Variants in APC observed in about 807,000 individuals in gnomAD.
The protein encoded by APC is APC regulator of Wnt signaling pathway, also known as adenomatous polyposis coli protein.
A neutral mutation model predicts 247.0 loss-of-function variants in APC; 72 were observed. That is an observed-to-expected ratio of 0.29 (90% CI 0.24 to 0.35). APC has a LOEUF of 0.35. Among genes scored for constraint, APC ranks in the 10% least tolerant of loss-of-function variants. APC has a pLI of 1.00. For missense variants in APC, 3,400 were observed against 3,360.7 expected (o/e 1.01, Z -0.29); for synonymous variants, 1,254 against 1,162.5 (o/e 1.08, Z -1.60).
chr5:112,717,230 C>T (rs748915677), intron 1 of APC, among the ~76,000 whole-genome samples: 36 of 152,178 alleles, frequency 2.4e-4, no homozygotes, highest in Admixed American at 7.9e-4. Flanking sequence ...CTAGGCTGGT[C>T]TTGAAGTCCC....
At chr5:112,788,612 A>G (rs892870146) in intron 6 of APC, among the ~76,000 whole-genome samples, 12 of 152,168 alleles carry the variant, frequency 7.9e-5, no homozygotes, top group Non-Finnish European at 1.3e-4. Context: ...TACTAATTTT[A>G]TATCTCTCTA....
intron 9 of APC, among the ~76,000 whole-genome samples, chr5:112,816,596 C>A (rs898917738): frequency 1.3e-4 from 19 of 151,950 alleles, no homozygotes; most frequent in Non-Finnish European, 2.9e-5. Flanking sequence ...GAGTTCGAAA[C>A]CAGCCTGACC....
At chr5:112,792,005 T>C (rs1032886877) in intron 6 of APC, among the ~76,000 whole-genome samples, 2 of 152,186 alleles carry the variant, frequency 1.3e-5, no homozygotes, top group East Asian at 3.9e-4. Context: ...CACAGCACTT[T>C]GGGAAGCCGA....
At chr5:112,794,718 C>T (rs1760016248) in intron 7 of APC, among the ~76,000 whole-genome samples, 1 of 152,218 alleles carries the variant, frequency 6.6e-6, no homozygotes, top group Admixed American at 6.5e-5. Flanking sequence ...ACTGCTCCCA[C>T]CTCAGATGCC....
chr5:112,827,347 T>C (rs2149811368), intron 12 of APC, 100 bp downstream of exon 12: 1 of 1,303,434 alleles, frequency 7.7e-7, no homozygotes, highest in Non-Finnish European at 1.1e-6. Flanking sequence ...TTCACTCTCC[T>C]CATTAAACAA....
chr5:112,744,056 G>C (rs1163727034), intron 1 of APC, among the ~76,000 whole-genome samples: 9 of 151,760 alleles, frequency 5.9e-5, no homozygotes, highest in Non-Finnish European at 1.2e-4. Flanking sequence ...TGCACAGGCT[G>C]GTCTCGAACT....
rs1217842024 is a variant in APC, at chr5:112,840,109, C to T, written c.4515C>T (p.Ser1505=). Reference sequence around the variant, plus strand: ...CAGATGGATTTTCTTGTTCATCCAGCCTGAGTGCTCTGAGCCTCGATGAGC... The same window carrying T: ...CAGATGGATTTTCTTGTTCATCCAGTCTGAGTGCTCTGAGCCTCGATGAGC... ...STPDGFSCSS[S]LSALSLDEPF... is the part of the protein sequence containing the mutation. Residue 1505 remains serine (S), a synonymous_variant, in exon 16 of 16, where the codon AGC becomes AGT. Transcript: ENST00000257430. This position sits in a 1 kb window ranked among gnomAD's most constrained non-coding sequence, Gnocchi z 4.1. 2 of 1,614,094 alleles carry T rather than the reference C, an allele frequency of 1.2e-6. No individual in the cohort carries two copies. The highest frequency in any genetic ancestry group is 3.3e-5 in the Admixed American group (2 of 60,004).
At chr5:112,768,955 T>A (rs1170433060) in intron 4 of APC, among the ~76,000 whole-genome samples, 6 of 151,926 alleles carry the variant, frequency 3.9e-5, no homozygotes, top group Non-Finnish European at 7.4e-5. Context: ...CTTTAACAAA[T>A]CTCTCTTTAT....
intron 6 of APC, among the ~76,000 whole-genome samples, chr5:112,785,997 G>C (rs2149662549): frequency 6.6e-6 from 1 of 152,230 alleles, no homozygotes; most frequent in South Asian, 2.1e-4. Flanking sequence ...AGATAAATTA[G>C]AAAAATACTT....
At position 112,839,520 on chromosome 5, in the gene APC, A is replaced by C. The variant is rs775060363; in HGVS notation, c.3926A>C (p.Glu1309Ala). 7.4e-6 allele frequency: 12 copies of C among 1,614,086 alleles called. No homozygotes were observed. The South Asian group carries it at 1.3e-4, about 18-fold the overall frequency. The change falls in exon 16 of 16, where the codon GAA becomes GCA. Residue 1309 changes from glutamate to alanine, a missense_variant. Transcript: ENST00000257430. The surrounding 1 kb of genome is among the most constrained non-coding windows in gnomAD (Gnocchi z 5.0). Reference sequence around the variant, plus strand: ...ACCCTGCAAATAGCAGAAATAAAAGAAAAGATTGGAACTAGGTCAGCTGAA... The same window carrying C: ...ACCCTGCAAATAGCAGAAATAAAAGCAAAGATTGGAACTAGGTCAGCTGAA... ...ANTLQIAEIK[E>A]KIGTRSAEDP...
At chr5:112,803,897 C>T (rs1400897730) in intron 8 of APC, among the ~76,000 whole-genome samples, 1 of 152,104 alleles carries the variant, frequency 6.6e-6, no homozygotes, top group Non-Finnish European at 1.5e-5. Flanking sequence ...CTGATTATAT[C>T]ACTTATTTGT....
intron 1 of APC, among the ~76,000 whole-genome samples, chr5:112,738,991 C>T (rs1323207630): frequency 2.6e-5 from 4 of 152,150 alleles, no homozygotes; most frequent in African/African-American, 9.7e-5. Context: ...AACCACTTTA[C>T]AACGTAAATT....
intron 1 of APC, among the ~76,000 whole-genome samples, chr5:112,722,628 C>A (rs564227140): frequency 3.2e-4 from 48 of 152,156 alleles, no homozygotes; most frequent in African/African-American, 9.2e-4. Flanking sequence ...TTCCCACTAC[C>A]CCCTCTTTGG....
intron 11 of APC, 113 bp from the exon 12 acceptor site, chr5:112,826,995 C>A: frequency 2.0e-6 from 2 of 1,006,438 alleles, no homozygotes; most frequent in Non-Finnish European, 3.0e-6. Flanking sequence ...CAAATTTAAA[C>A]CATATATTCT....
intron 7 of APC, among the ~76,000 whole-genome samples, chr5:112,795,902 C>T (rs774397916): frequency 1.3e-5 from 2 of 152,092 alleles, no homozygotes; most frequent in Non-Finnish European, 2.9e-5. Flanking sequence ...GATGAAGGGA[C>T]ATCCTGAGAT....
At chr5:112,836,180 G>GA (rs1554083567) in intron 15 of APC, among the ~76,000 whole-genome samples, 1 of 31,054 alleles carries the variant, frequency 3.2e-5, no homozygotes, top group African/African-American at 1.0e-4. Flanking sequence ...CCCCCCCCCC[G>GA]CCACCGTGCC....
At chr5:112,710,952 C>T (rs1750813449) in intron 1 of APC, among the ~76,000 whole-genome samples, 1 of 152,220 alleles carries the variant, frequency 6.6e-6, no homozygotes, top group Non-Finnish European at 1.5e-5. Context: ...ACTCGTACTG[C>T]CTTTACCATT....
intron 1 of APC, among the ~76,000 whole-genome samples, chr5:112,740,622 C>G (rs1297841175): frequency 6.7e-6 from 1 of 148,434 alleles, no homozygotes; most frequent in Non-Finnish European, 1.5e-5. Context: ...ACCTCGCAGG[C>G]TCAAGTGATG....
At position 112,708,252 on chromosome 5, in the gene APC, A is replaced by G. The variant is rs191729416; in HGVS notation, c.165+370A>G. 6.3e-3 allele frequency among the ~76,000 whole-genome samples: 963 copies of G among 152,268 alleles called. 8 individuals carry two copies. The highest frequency in any genetic ancestry group is 0.01 in the Middle Eastern group (3 of 294). On this transcript the variant is annotated intron_variant, in intron 1 of 13. Transcript: ENST00000507379. The stretch of plus-strand genomic sequence containing the variant: ...CCCTCTTGCTTCCTCTAAAAGTTTT[A>G]AACTCTCTGCCTGGGAAAATACCTG...
Sources: allele counts gnomAD v4.1 joint callset (sites outside exome capture counted in the v4.1 genomes callset), GRCh38; gene constraint gnomAD v4.1.1; non-coding constraint Gnocchi (gnomAD v3.1); transcripts MANE v1.5; gene names NCBI Gene and HGNC (gene_info 2026-07-23, HGNC 2026-07-21).